DDX10: variants seen among roughly 807,000 people sequenced by gnomAD.
DDX10 encodes probable ATP-dependent RNA helicase DDX10.
In DDX10, 74 loss-of-function variants were observed where a neutral mutation model predicts 104.3. The ratio of observed to expected loss-of-function variants is 0.71; its 90% CI spans 0.59 to 0.86. DDX10 has a LOEUF of 0.86. Among genes scored for constraint, DDX10 ranks in the 40% least tolerant of loss-of-function variants. DDX10 has a pLI of 0.00. For synonymous variants in DDX10, 351 were observed against 353.4 expected, an observed-to-expected ratio of 0.99 and a Z score of 0.08; for missense variants, 952 against 1,040.0, an observed-to-expected ratio of 0.92 and a Z score of 1.16.
intron 13 of DDX10, among the ~76,000 whole-genome samples, chr11:108,810,656 G>A (rs78856793): frequency 1.3e-4 from 20 of 152,224 alleles, no homozygotes; most frequent in Non-Finnish European, 2.8e-4. Flanking sequence ...ATGTTTCAAC[G>A]GAACCTGTGG....
rs553433183 is a variant in DDX10, at chr11:108,696,420, G to C, written c.1223+2820G>C. Among the ~76,000 whole-genome samples, 833 of 152,070 alleles carry C rather than the reference G, an allele frequency of 5.5e-3. 9 individuals are homozygous for C. Among genetic ancestry groups the C allele is most frequent in the African/African-American group, 0.019 (803 of 41,482 alleles). On this transcript the variant is annotated intron_variant, in intron 9 of 17. Coordinates refer to ENST00000322536, the MANE Select transcript of DDX10 (RefSeq NM_004398.4). ...TTGAACTCCTGACCTCAAGTGATCC[G>C]CCCGCCTCAGCCTCCCAAAGTGTTG... is the stretch of plus-strand genomic sequence containing the variant.
At chr11:108,918,083 C>A in intron 17 of DDX10, 65 bp downstream of exon 17, 1 of 1,473,328 alleles carries the variant, frequency 6.8e-7, no homozygotes, top group Non-Finnish European at 9.5e-7. Flanking sequence ...TTAATGAATC[C>A]AAAAGACATT....
At chr11:108,839,942 A>G (rs1409166226) in intron 14 of DDX10, among the ~76,000 whole-genome samples, 1 of 152,224 alleles carries the variant, frequency 6.6e-6, no homozygotes, top group East Asian at 1.9e-4. Context: ...TCCAAAATGA[A>G]TGTAAATCCT....
chr11:108,888,692 A>G (rs1009728351), intron 16 of DDX10, among the ~76,000 whole-genome samples: 4 of 152,126 alleles, frequency 2.6e-5, no homozygotes, highest in African/African-American at 7.2e-5. Context: ...TTTACTAAGG[A>G]TGCTGCATGG....
At chr11:108,739,140 G>T (rs2094321959) in intron 13 of DDX10, among the ~76,000 whole-genome samples, 1 of 152,190 alleles carries the variant, frequency 6.6e-6, no homozygotes, top group Non-Finnish European at 1.5e-5. Context: ...GTGTGGACAA[G>T]TTGCTGACAC....
intron 16 of DDX10, among the ~76,000 whole-genome samples, chr11:108,864,327 T>C (rs1370498232): frequency 6.6e-6 from 1 of 152,090 alleles, no homozygotes; most frequent in Non-Finnish European, 1.5e-5. Flanking sequence ...GGGGACTTAC[T>C]TACATGTGTT....
At chr11:108,870,905 A>G (rs1258368889) in intron 16 of DDX10, among the ~76,000 whole-genome samples, 3 of 152,214 alleles carry the variant, frequency 2.0e-5, no homozygotes, top group Admixed American at 6.5e-5. Flanking sequence ...TCTTTAATAC[A>G]GTTTCTTGTT....
intron 13 of DDX10, among the ~76,000 whole-genome samples, chr11:108,820,927 C>G (rs1862318395): frequency 6.6e-6 from 1 of 152,154 alleles, no homozygotes; most frequent in African/African-American, 2.4e-5. Context: ...GAATAAGTAA[C>G]AGTAGAATGC....
chr11:108,829,233 C>T (rs57718618), intron 13 of DDX10, among the ~76,000 whole-genome samples: 3,860 of 152,254 alleles, frequency 0.025, 113 homozygotes, highest in African/African-American at 0.071. Context: ...TAAAAGTGTT[C>T]TCTTTTCACT....
At chr11:108,860,378 G>C (rs1862925244) in intron 16 of DDX10, among the ~76,000 whole-genome samples, 1 of 152,062 alleles carries the variant, frequency 6.6e-6, no homozygotes, top group African/African-American at 2.4e-5. Context: ...CTTGTAAATA[G>C]TTTGATGTTA....
chr11:108,788,775 A>T (rs1861830712), intron 13 of DDX10, among the ~76,000 whole-genome samples: 2 of 152,222 alleles, frequency 1.3e-5, no homozygotes. Context: ...TGGTCAGCAG[A>T]TAGGCTCTTA....
At chr11:108,684,170 G>A (rs1490319525) in intron 6 of DDX10, among the ~76,000 whole-genome samples, 4 of 35,634 alleles carry the variant, frequency 1.1e-4, no homozygotes, top group East Asian at 9.9e-4. Context: ...TAAGGTTATA[G>A]ATTTTCTTTT....
At chr11:108,718,784 G>T (rs754168243) in intron 11 of DDX10, among the ~76,000 whole-genome samples, 1 of 152,202 alleles carries the variant, frequency 6.6e-6, no homozygotes, top group Non-Finnish European at 1.5e-5. Context: ...AATCTGGATA[G>T]AACAAAAGTG....
At chr11:108,916,400 A>T (rs1863751445) in intron 16 of DDX10, among the ~76,000 whole-genome samples, 1 of 150,858 alleles carries the variant, frequency 6.6e-6, no homozygotes. Context: ...TTCTTTCCAG[A>T]CCTTTTATTT....
At chr11:108,745,383 G>C (rs1195227303) in intron 13 of DDX10, among the ~76,000 whole-genome samples, 1 of 151,582 alleles carries the variant, frequency 6.6e-6, no homozygotes, top group African/African-American at 2.4e-5. Context: ...TGGGACTATA[G>C]GTGCTTGCCA....
chr11:108,858,442 A>G (rs1293402413), intron 16 of DDX10, among the ~76,000 whole-genome samples: 3 of 152,196 alleles, frequency 2.0e-5, no homozygotes, highest in Admixed American at 6.5e-5. Context: ...AACACTTTAC[A>G]TGTTAATGCT....
intron 10 of DDX10, among the ~76,000 whole-genome samples, chr11:108,707,374 G>T (rs2094277569): frequency 6.6e-6 from 1 of 151,998 alleles, no homozygotes; most frequent in Admixed American, 6.6e-5. Flanking sequence ...ACGGTACCTA[G>T]CCTTTTCATA....
intron 16 of DDX10, among the ~76,000 whole-genome samples, chr11:108,858,087 A>G (rs759320182): frequency 3.3e-5 from 5 of 152,248 alleles, no homozygotes; most frequent in Non-Finnish European, 5.9e-5. Context: ...TTTCCAGCCC[A>G]GGAAGACCTG....
At chr11:108,871,858 G>A (rs1863086786) in intron 16 of DDX10, among the ~76,000 whole-genome samples, 1 of 152,026 alleles carries the variant, frequency 6.6e-6, no homozygotes, top group Non-Finnish European at 1.5e-5. Context: ...AACCGTGGAG[G>A]TGGAGGTTGT....
Sources: gnomAD v4.1 joint callset for allele counts (sites outside exome capture counted in the v4.1 genomes callset) on GRCh38, gnomAD v4.1.1 for gene constraint, MANE v1.5 for transcripts, NCBI Gene and HGNC (gene_info 2026-07-23, HGNC 2026-07-21) for gene names.